CC2D2A: variants seen among roughly 807,000 people sequenced by gnomAD.
CC2D2A encodes coiled-coil and C2 domain-containing protein 2A.
Under a neutral mutation model 212.9 loss-of-function variants are expected in CC2D2A, and 155 were observed. The observed-to-expected ratio is 0.73, with a 90% CI of 0.64 to 0.83. The LOEUF (loss-of-function observed/expected upper bound fraction) is 0.83, where lower values mean the gene tolerates loss of function less well. Among genes scored for constraint, CC2D2A ranks in the 40% least tolerant of loss-of-function variants. The probability of loss-of-function intolerance (pLI) is 0.00; values close to 1 mark genes in which losing one functional copy is unlikely to be tolerated. For synonymous variants in CC2D2A, 667 were observed against 686.5 expected, an observed-to-expected ratio of 0.97 and a Z score of 0.44; for missense variants, 1,856 against 1,956.2, an observed-to-expected ratio of 0.95 and a Z score of 0.97.
chr4:15,559,887 T>C (rs949067509), intron 22 of CC2D2A, among the ~76,000 whole-genome samples: 1 of 152,080 alleles, frequency 6.6e-6, no homozygotes, highest in African/African-American at 2.4e-5. Flanking sequence ...AGTGCAGTAG[T>C]GTAGTGTGAT....
intron 28 of CC2D2A, among the ~76,000 whole-genome samples, chr4:15,571,664 A>G (rs1353833172): frequency 6.6e-6 from 1 of 151,874 alleles, no homozygotes; most frequent in Admixed American, 6.6e-5. Context: ...TTGGTATCCC[A>G]AGAATCAATT....
intron 16 of CC2D2A, among the ~76,000 whole-genome samples, chr4:15,538,562 T>C (rs1338113068): frequency 6.6e-6 from 1 of 152,168 alleles, no homozygotes; most frequent in African/African-American, 2.4e-5. Flanking sequence ...TGCCCCTTCC[T>C]TGATTTCAGC....
intron 33 of CC2D2A, among the ~76,000 whole-genome samples, chr4:15,592,607 GTTGT>G (rs1721159073): frequency 6.6e-6 from 1 of 152,144 alleles, no homozygotes; most frequent in South Asian, 2.1e-4. Context: ...TTACTCTGCA[GTTGT>G]TTCTTATGTT....
chr4:15,502,329 C>A, intron 4 of CC2D2A, 100 bp from the exon 5 acceptor site: 1 of 868,672 alleles, frequency 1.2e-6, no homozygotes, highest in Non-Finnish European at 1.7e-6. Context: ...TTAATTTAAC[C>A]TTCCCTTTTG....
At chr4:15,575,356 C>A (rs561737610) in intron 29 of CC2D2A, among the ~76,000 whole-genome samples, 1 of 152,330 alleles carries the variant, frequency 6.6e-6, no homozygotes, top group South Asian at 2.1e-4. Flanking sequence ...TGACTCTAAA[C>A]TGTACATATT....
At chr4:15,584,060 T>A (rs927588707) in intron 30 of CC2D2A, among the ~76,000 whole-genome samples, 104 of 152,042 alleles carry the variant, frequency 6.8e-4, no homozygotes, top group Middle Eastern at 6.8e-3. Flanking sequence ...GAAGAATTAA[T>A]ATTGTTAATA....
chr4:15,507,546 A>G (rs978002082), intron 6 of CC2D2A, among the ~76,000 whole-genome samples: 1 of 152,190 alleles, frequency 6.6e-6, no homozygotes, highest in Admixed American at 6.5e-5. Flanking sequence ...AACTATGTAG[A>G]GGCCAAGGGG....
At chr4:15,476,590 T>C (rs1714228326) in intron 2 of CC2D2A, among the ~76,000 whole-genome samples, 2 of 152,212 alleles carry the variant, frequency 1.3e-5, no homozygotes, top group Non-Finnish European at 2.9e-5. Flanking sequence ...ACCTGAATGC[T>C]CCGAAGCTGT....
In CC2D2A at chr4:15,589,607, T is replaced by G; in HGVS notation, c.4242T>G (p.Ser1414Arg). 6.2e-7 allele frequency: 1 copy of G among 1,612,712 alleles called. No individual in the cohort carries two copies. The highest frequency in any genetic ancestry group is 1.1e-5 in the South Asian group (1 of 90,946). Residue 1414 changes from serine (S) to arginine (R), a missense_variant, in exon 33 of 37, where the codon AGT becomes AGG. By Grantham distance (110) the Ser-to-Arg change is moderately radical (BLOSUM62 -1). Around this residue, in one of 5 missense-constraint regions of CC2D2A, gnomAD observed 285 missense variants for 278.4 expected, o/e 1.02. Coordinates refer to ENST00000424120, the MANE Select transcript of CC2D2A (RefSeq NM_001378615.1). The stretch of plus-strand genomic sequence containing the variant: ...GTTATTTAATATGGAATCCCTGCAG[T>G]GGACATTTTTATGGACAATTTGATA... ...QGRYLIWNPCSGHFYGQFDTF... is the reference protein window; with the variant it reads ...QGRYLIWNPCRGHFYGQFDTF...
intron 17 of CC2D2A, among the ~76,000 whole-genome samples, chr4:15,548,270 G>A (rs1012393955): frequency 6.6e-6 from 1 of 151,968 alleles, no homozygotes; most frequent in Admixed American, 6.6e-5. Flanking sequence ...TTGGCACCAA[G>A]AGCCCCCATT....
Position 15,550,844 on chromosome 4 carries a change from C to T in CC2D2A, c.2202C>T (p.His734=). ...TTCAGGTCTATGAAACTGTCGGACA[C>T]AGTAGTCCCACCTTGCTAGCAGAAG... is the stretch of plus-strand genomic sequence containing the variant. ...LTLQVYETVG[H]SSPTLLAEVF... is the part of the protein sequence containing the mutation. Residue 734 remains histidine (H), a synonymous_variant, in exon 18 of 37, where the codon CAC becomes CAT. Coordinates refer to ENST00000424120, the MANE Select transcript of CC2D2A (RefSeq NM_001378615.1). The T allele has an allele frequency of 1.9e-6, 3 of 1,585,050 alleles. No homozygotes were observed. The highest frequency in any genetic ancestry group is 2.6e-6 in the Non-Finnish European group (3 of 1,157,664).
chr4:15,531,180 C>A (rs1417195550), intron 13 of CC2D2A, among the ~76,000 whole-genome samples: 1 of 152,188 alleles, frequency 6.6e-6, no homozygotes, highest in Non-Finnish European at 1.5e-5. Flanking sequence ...TCCTATCTCA[C>A]TCCTGTGCCC....
chr4:15,567,802 T>C lies in CC2D2A; in HGVS notation c.3398+16T>C, dbSNP rs765861313. On this transcript the variant is annotated intron_variant, in intron 26 of 36. Coordinates refer to ENST00000424120, the MANE Select transcript of CC2D2A (RefSeq NM_001378615.1). ...TTCCATTTAGGTAAGCATATTTTCC[T>C]CTTTAAAGAACTATAGGACATTTTG... The C allele has an allele frequency of 1.3e-6, 2 of 1,526,850 alleles. No individual in the cohort carries two copies. The highest frequency in any genetic ancestry group is 1.8e-6 in the Non-Finnish European group (2 of 1,122,862). The allele number at this position is 1,526,850 out of a possible 1,614,324, so 94.6% of individuals were successfully genotyped here.
rs182119485 is a variant in CC2D2A, at chr4:15,502,463, C to T, written c.282C>T (p.Gly94=). ...CAATTCCTTCAACTTCCAGAACAGG[C>T]TTTGCAGAATTTTCCATGAGGGGAC... The part of the protein sequence containing the change: ...LPPIPSTSRT[G]FAEFSMRGRM... Residue 94 remains glycine, a synonymous_variant, in exon 5 of 37, where the codon GGC becomes GGT. Coordinates refer to ENST00000424120, the MANE Select transcript of CC2D2A (RefSeq NM_001378615.1). The T allele has an allele frequency of 4.0e-5, 64 of 1,608,378 alleles. No homozygotes were observed. In the East Asian group the frequency reaches 1.3e-3, roughly 33 times the overall value.
chr4:15,502,387 CTTTTTT>C, intron 4 of CC2D2A, 36 bp from the exon 5 acceptor site: 1 of 1,259,652 alleles, frequency 7.9e-7, no homozygotes. Context: ...TTTTCTTTTT[CTTTTTT>C]TTTTATTTTG....
At chr4:15,528,749 A>G (rs753666997) in intron 13 of CC2D2A, 23 bp downstream of exon 13, 1 of 1,545,422 alleles carries the variant, frequency 6.5e-7, no homozygotes, top group Admixed American at 1.8e-5. Context: ...TGTTAAGTGT[A>G]ACTACTTTTT....
intron 11 of CC2D2A, among the ~76,000 whole-genome samples, chr4:15,524,743 A>G (rs556611273): frequency 3.2e-4 from 49 of 151,998 alleles, no homozygotes; most frequent in Admixed American, 1.3e-3. Flanking sequence ...GAGCCACCGC[A>G]CCCGGCTTTA....
At chr4:15,546,187 T>TGGA (rs1340946845) in intron 17 of CC2D2A, among the ~76,000 whole-genome samples, 3 of 152,112 alleles carry the variant, frequency 2.0e-5, no homozygotes, top group Non-Finnish European at 4.4e-5. Context: ...CCACAGTCCT[T>TGGA]CCAGAAAGGT....
chr4:15,592,339 A>AT (rs1673138371), intron 33 of CC2D2A, among the ~76,000 whole-genome samples: 1 of 152,144 alleles, frequency 6.6e-6, no homozygotes, highest in African/African-American at 2.4e-5. Flanking sequence ...AATACTAGTT[A>AT]TATCTCTTGC....
Sources: allele counts gnomAD v4.1 joint callset (sites outside exome capture counted in the v4.1 genomes callset), GRCh38; gene constraint gnomAD v4.1.1; regional missense constraint gnomAD v4.1.1; transcripts MANE v1.5; gene names NCBI Gene and HGNC (gene_info 2026-07-23, HGNC 2026-07-21).